Variants in GRIN3A observed in about 807,000 individuals in gnomAD.
The protein encoded by GRIN3A is glutamate receptor ionotropic, NMDA 3A.
Under a neutral mutation model 92.4 loss-of-function variants are expected in GRIN3A, and 47 were observed. The observed-to-expected ratio is 0.51, with a 90% CI of 0.40 to 0.65. The LOEUF is 0.65. Among genes scored for constraint, GRIN3A ranks in the 30% least tolerant of loss-of-function variants. The pLI, the probability that GRIN3A is intolerant of heterozygous loss-of-function variation, is 0.00. For synonymous variants in GRIN3A, 527 were observed against 540.6 expected (o/e 0.97, Z 0.35); for missense variants, 1,324 against 1,393.1 (o/e 0.95, Z 0.79).
At chr9:101,661,485 G>A (rs915062499) in intron 3 of GRIN3A, among the ~76,000 whole-genome samples, 71 of 151,710 alleles carry the variant, frequency 4.7e-4, no homozygotes, top group African/African-American at 1.7e-3. Flanking sequence ...TGTAGTATGT[G>A]GTTTTGTATC....
At position 101,573,138 on chromosome 9, in the gene GRIN3A, A is replaced by G; in HGVS notation, c.*36T>C. ...CAAAGTGTCTCAAGGGCTCAGAGGA[A>G]GGTCAGGAACTGAGAAAGGGAAGCA... is the stretch of plus-strand genomic sequence containing the variant. On this transcript the variant is annotated 3_prime_UTR_variant, in exon 9 of 9. Transcript: ENST00000361820. 1 of 1,533,306 alleles carries G rather than the reference A, an allele frequency of 6.5e-7. No homozygotes were observed. Among genetic ancestry groups the G allele is most frequent in the Non-Finnish European group, 9.0e-7 (1 of 1,106,364 alleles). The allele number at this position is 1,533,306 out of a possible 1,614,324, so 95.0% of individuals were successfully genotyped here.
At chr9:101,623,636 C>A (rs1442517756) in intron 4 of GRIN3A, among the ~76,000 whole-genome samples, 3 of 152,202 alleles carry the variant, frequency 2.0e-5, no homozygotes, top group African/African-American at 7.2e-5. Flanking sequence ...TATAAGACAG[C>A]ATGACATCTT....
rs1828663358 is a variant in GRIN3A at position 101,628,329 on chromosome 9, T to C, written c.2425A>G (p.Ser809Gly). ...ESSAEDYVRQ[S>G]FPEMHEYMRR... The stretch of plus-strand genomic sequence containing the variant: ...ATATATTCATGCATCTCTGGGAAAC[T>C]TTGTCTCACATAATCTTCAGCACTG... Residue 809 changes from serine (S) to glycine (G), a missense_variant, in exon 4 of 9, where the codon AGT becomes GGT. Physicochemically the swap from Ser to Gly is moderately conservative, Grantham distance 56. Coordinates refer to ENST00000361820, the MANE Select transcript of GRIN3A (RefSeq NM_133445.3). 2.5e-6 allele frequency: 4 copies of C among 1,613,794 alleles called. No homozygotes were observed. Among genetic ancestry groups the C allele is most frequent in the Non-Finnish European group, 2.5e-6 (3 of 1,179,902 alleles).
intron 1 of GRIN3A, among the ~76,000 whole-genome samples, chr9:101,700,633 C>T (rs1829740630): frequency 6.6e-6 from 1 of 151,940 alleles, no homozygotes; most frequent in African/African-American, 2.4e-5. Flanking sequence ...ATGAATTATT[C>T]AAAATAGAAT....
intron 1 of GRIN3A, among the ~76,000 whole-genome samples, chr9:101,731,311 C>G (rs1830137951): frequency 6.6e-6 from 1 of 152,090 alleles, no homozygotes; most frequent in African/African-American, 2.4e-5. Context: ...TCACTTCCTA[C>G]AATGCATAGT....
rs1415510127 is a variant in GRIN3A, at chr9:101,570,462, A to G, written c.*2712T>C. ...TTTCACAAATTGCAAAACACTGTTC[A>G]GTTACTACCAATAAAAATAACCATT... On this transcript the variant is annotated 3_prime_UTR_variant, in exon 9 of 9. Coordinates refer to ENST00000361820, the MANE Select transcript of GRIN3A (RefSeq NM_133445.3). 6.6e-6 allele frequency: 1 copy of G among 152,666 alleles called. No individual in the cohort carries two copies. The highest frequency in any genetic ancestry group is 2.4e-5 in the African/African-American group (1 of 41,464). 9.5% of individuals were successfully genotyped at this position (152,666 alleles called of 1,614,324 possible). A position where few individuals can be genotyped will look rare whatever the true frequency, so the allele number is the denominator to read the frequency against.
chr9:101,616,888 TAAAA>T (rs75080539), intron 5 of GRIN3A, among the ~76,000 whole-genome samples: 13 of 101,386 alleles, frequency 1.3e-4, no homozygotes, highest in Non-Finnish European at 1.8e-4. Flanking sequence ...ACTTAAAGTA[TAAAA>T]AAAAAAAAAA....
intron 1 of GRIN3A, among the ~76,000 whole-genome samples, chr9:101,693,250 T>TA (rs1829642465): frequency 1.6e-5 from 1 of 61,596 alleles, no homozygotes; most frequent in Admixed American, 1.4e-4. Context: ...CTAAAATATA[T>TA]ATATATATAT....
At chr9:101,650,553 G>A (rs1447861817) in intron 3 of GRIN3A, among the ~76,000 whole-genome samples, 1 of 152,008 alleles carries the variant, frequency 6.6e-6, no homozygotes, top group Non-Finnish European at 1.5e-5. Context: ...TCCCAAAATA[G>A]GTAAGTAAGT....
intron 3 of GRIN3A, among the ~76,000 whole-genome samples, chr9:101,639,668 G>A (rs1225703446): frequency 6.6e-6 from 1 of 152,144 alleles, no homozygotes; most frequent in Non-Finnish European, 1.5e-5. Context: ...CATGGCATAG[G>A]AACTTTTAAA....
At chr9:101,694,893 C>A (rs1643910662) in intron 1 of GRIN3A, among the ~76,000 whole-genome samples, 1 of 152,118 alleles carries the variant, frequency 6.6e-6, no homozygotes, top group Admixed American at 6.6e-5. Context: ...GCAATGAAAT[C>A]CAAAACCTTG....
At chr9:101,610,615 A>G (rs1469650570) in intron 6 of GRIN3A, among the ~76,000 whole-genome samples, 2 of 142,982 alleles carry the variant, frequency 1.4e-5, no homozygotes, top group Non-Finnish European at 3.2e-5. Flanking sequence ...CTATCTATCT[A>G]TCTATCTATC....
intron 4 of GRIN3A, among the ~76,000 whole-genome samples, chr9:101,625,299 T>A (rs1255524433): frequency 6.6e-6 from 1 of 152,214 alleles, no homozygotes; most frequent in Non-Finnish European, 1.5e-5. Flanking sequence ...GCTCAGTCCT[T>A]CCTCTCTTAG....
At chr9:101,601,757 C>G (rs1215085422) in intron 6 of GRIN3A, among the ~76,000 whole-genome samples, 1 of 152,132 alleles carries the variant, frequency 6.6e-6, no homozygotes, top group Non-Finnish European at 1.5e-5. Flanking sequence ...GGTGCTCTCC[C>G]TGAGTGTCTG....
chr9:101,700,152 T>C (rs1232348697), intron 1 of GRIN3A, among the ~76,000 whole-genome samples: 1 of 152,164 alleles, frequency 6.6e-6, no homozygotes, highest in Non-Finnish European at 1.5e-5. Flanking sequence ...AGAGATGCTG[T>C]TTTATATAGT....
chr9:101,730,556 C>T (rs1024539199), intron 1 of GRIN3A, among the ~76,000 whole-genome samples: 1 of 152,032 alleles, frequency 6.6e-6, no homozygotes, highest in African/African-American at 2.4e-5. Context: ...GTTGTACAGC[C>T]AAGATTCTAA....
intron 4 of GRIN3A, among the ~76,000 whole-genome samples, chr9:101,627,502 T>C (rs1402001284): frequency 6.6e-6 from 1 of 152,170 alleles, no homozygotes; most frequent in East Asian, 1.9e-4. Context: ...GCTGCACAAT[T>C]CTAGGAATTG....
intron 3 of GRIN3A, among the ~76,000 whole-genome samples, chr9:101,668,578 G>C (rs1312176853): frequency 6.6e-6 from 1 of 152,050 alleles, no homozygotes. Flanking sequence ...TCTCCCTTTA[G>C]GGTGATGCAT....
At chr9:101,645,400 A>T (rs1828924181) in intron 3 of GRIN3A, among the ~76,000 whole-genome samples, 1 of 151,972 alleles carries the variant, frequency 6.6e-6, no homozygotes, top group Admixed American at 6.6e-5. Flanking sequence ...GTTGATAGAC[A>T]CTTAGGTTAA....
Sources: gnomAD v4.1 joint callset for allele counts (sites outside exome capture counted in the v4.1 genomes callset) on GRCh38, gnomAD v4.1.1 for gene constraint, MANE v1.5 for transcripts, NCBI Gene and HGNC (gene_info 2026-07-23, HGNC 2026-07-21) for gene names.